TUT4: variants seen among roughly 807,000 people sequenced by gnomAD.
TUT4 encodes terminal uridylyltransferase 4.
Under a neutral mutation model 192.2 loss-of-function variants are expected in TUT4, and 36 were observed. That is an observed-to-expected ratio of 0.19 (90% confidence interval 0.14 to 0.25). The LOEUF is 0.25. Ranked by LOEUF, TUT4 falls within the 10% of genes least tolerant of loss-of-function variation. The pLI is 1.00. For missense variants in TUT4, 1,493 were observed against 1,957.2 expected (o/e 0.76, Z 4.47); for synonymous variants, 618 against 666.0 (o/e 0.93, Z 1.11).
chr1:52,428,874 G>GT (rs960555583), intron 28 of TUT4, among the ~76,000 whole-genome samples: 5 of 151,826 alleles, frequency 3.3e-5, no homozygotes, highest in East Asian at 1.9e-4. Flanking sequence ...ATGATCTCAT[G>GT]TTTTTTTTAA....
chr1:52,431,910 G>A (rs916726598), intron 27 of TUT4: 1 of 156,690 alleles, frequency 6.4e-6, no homozygotes, highest in Non-Finnish European at 1.4e-5. Context: ...ATCATAATAA[G>A]TATAATGAGT....
intron 16 of TUT4, chr1:52,462,121 C>A (rs2148704516): frequency 1.2e-5 from 2 of 164,800 alleles, no homozygotes; most frequent in Non-Finnish European, 1.3e-5. Context: ...GAGGGCAAAA[C>A]AATATACTGA....
chr1:52,493,573 T>TA (rs747524454), intron 7 of TUT4, 38 bp downstream of exon 7: 59,315 of 919,560 alleles, frequency 0.065, 27 homozygotes, highest in Non-Finnish European at 0.068. Context: ...AAAGACAAAT[T>TA]AAAAAAAAAA....
intron 1 of TUT4, among the ~76,000 whole-genome samples, chr1:52,552,539 A>T (rs1689740383): frequency 6.6e-6 from 1 of 152,252 alleles, no homozygotes; most frequent in Non-Finnish European, 1.5e-5. Context: ...AAAGGTACAC[A>T]TGACAGGGAA....
chr1:52,474,884 G>C lies in TUT4; in HGVS notation c.2675C>G (p.Pro892Arg). The change falls in exon 13 of 30, where the codon CCC (proline) becomes CGC (arginine). Residue 892 changes from proline to arginine, a missense_variant. By Grantham distance (103) the Pro-to-Arg change is moderately radical. Around this residue, in one of 7 missense-constraint regions of TUT4, gnomAD observed 245 missense variants for 218.4 expected, o/e 1.12. Transcript: ENST00000257177. ...ASDLNDDDNLPTQELYYVFDK... is the reference protein window; with the variant it reads ...ASDLNDDDNLRTQELYYVFDK... ...AAACACATAATATAATTCCTGGGTG[G>C]GGAGGTTATCATCATCATTAAGGTC... is the stretch of plus-strand genomic sequence containing the variant. 6.2e-7 allele frequency: 1 copy of C among 1,613,452 alleles called. No homozygotes were observed. The highest frequency in any genetic ancestry group is 8.5e-7 in the Non-Finnish European group (1 of 1,179,912).
At chr1:52,489,797 C>T (rs1035216458) in intron 8 of TUT4, among the ~76,000 whole-genome samples, 5 of 152,156 alleles carry the variant, frequency 3.3e-5, no homozygotes, top group African/African-American at 9.7e-5. Flanking sequence ...CACTCCAGGT[C>T]CCATTTTTCT....
intron 3 of TUT4, among the ~76,000 whole-genome samples, chr1:52,510,317 C>CAA (rs200690805): frequency 0.069 from 5,410 of 78,448 alleles, 241 homozygotes; most frequent in African/African-American, 0.11. Flanking sequence ...TTCGTATTAA[C>CAA]AAAAAAAAAA....
At chr1:52,453,986 C>T (rs564365771) in intron 20 of TUT4, among the ~76,000 whole-genome samples, 1 of 152,176 alleles carries the variant, frequency 6.6e-6, no homozygotes, top group South Asian at 2.1e-4. Flanking sequence ...TACATCAGCA[C>T]CAAAAAATGA....
chr1:52,500,731 C>T (rs1673863743), intron 4 of TUT4, among the ~76,000 whole-genome samples: 1 of 151,916 alleles, frequency 6.6e-6, no homozygotes, highest in Admixed American at 6.6e-5. Flanking sequence ...CATTGCACTC[C>T]AGCCTGGGCA....
rs1440342694 is a variant in TUT4 at position 52,445,777 on chromosome 1, G to C, written c.3822+10C>G. On this transcript the variant is annotated intron_variant, in intron 24 of 29. Transcript: ENST00000257177. ...AGAAAAGATTCACAATTCATATAAT[G>C]TAAACTTACAGCTTCTCTGCCAATG... The C allele has an allele frequency of 1.3e-6, 2 of 1,583,456 alleles. No individual in the cohort carries two copies. The highest frequency in any genetic ancestry group is 1.8e-5 in the Admixed American group (1 of 56,850).
Position 52,425,544 on chromosome 1 carries a change from CATT to C in TUT4, c.4712-40_4712-38del, listed in dbSNP as rs752098532. ...CAAGAGGGAAAAAGACATTTAAAAA[CATT>C]AGTTCATTCATTGAAATATCCCTTC... On this transcript the variant is annotated intron_variant, in intron 28 of 29. Transcript: ENST00000257177. 3.4e-5 allele frequency: 54 copies of C among 1,565,590 alleles called. No homozygotes were observed. The African/African-American group carries it at 4.2e-4, about 12-fold the overall frequency.
At chr1:52,480,425 T>C (rs1668215372) in intron 11 of TUT4, among the ~76,000 whole-genome samples, 1 of 152,202 alleles carries the variant, frequency 6.6e-6, no homozygotes, top group African/African-American at 2.4e-5. Flanking sequence ...CTGACATTGA[T>C]GATACAAGTT....
At chr1:52,444,929 A>G (rs12090090) in intron 24 of TUT4, among the ~76,000 whole-genome samples, 3 of 121,138 alleles carry the variant, frequency 2.5e-5, no homozygotes, top group African/African-American at 5.2e-5. Context: ...GTATGTGTAT[A>G]TATATGTATA....
intron 4 of TUT4, among the ~76,000 whole-genome samples, chr1:52,502,092 G>A (rs1478378969): frequency 6.7e-6 from 1 of 148,936 alleles, no homozygotes; most frequent in Non-Finnish European, 1.5e-5. Flanking sequence ...CTTAAAAATG[G>A]TTAAAATGGT....
intron 4 of TUT4, among the ~76,000 whole-genome samples, chr1:52,505,152 C>T (rs770175677): frequency 2.0e-5 from 3 of 152,118 alleles, no homozygotes; most frequent in Non-Finnish European, 2.9e-5. Flanking sequence ...GAAGAACCAC[C>T]GTACTCTTTT....
At chr1:52,553,200 GGA>G (rs1171504026), upstream of TUT4, 3 of 152,686 alleles carry the variant, frequency 2.0e-5, no homozygotes, top group African/African-American at 7.3e-5. Context: ...GGTTGCCGGG[GGA>G]GAGGGGGAGG....
intron 1 of TUT4, among the ~76,000 whole-genome samples, chr1:52,543,383 G>A (rs1031439971): frequency 2.0e-5 from 3 of 151,960 alleles, no homozygotes; most frequent in African/African-American, 4.8e-5. Context: ...AACCAAAGAA[G>A]TGAAAGACAT....
intron 24 of TUT4, among the ~76,000 whole-genome samples, chr1:52,440,929 A>G (rs1453883850): frequency 6.6e-6 from 1 of 152,186 alleles, no homozygotes; most frequent in Non-Finnish European, 1.5e-5. Flanking sequence ...TTGGAGGGAG[A>G]TAACAGTTCA....
At chr1:52,550,791 GC>G (rs1485550828) in intron 1 of TUT4, among the ~76,000 whole-genome samples, 3 of 151,980 alleles carry the variant, frequency 2.0e-5, no homozygotes, top group Non-Finnish European at 2.9e-5. Context: ...GAGCCACCTG[GC>G]CAGGCCCTAC....
Sources: gnomAD v4.1 joint callset for allele counts (sites outside exome capture counted in the v4.1 genomes callset) on GRCh38, gnomAD v4.1.1 for gene constraint, gnomAD v4.1.1 regional missense constraint, MANE v1.5 for transcripts, NCBI Gene and HGNC (gene_info 2026-07-23, HGNC 2026-07-21) for gene names.